PLEKHH2: variants seen among roughly 807,000 people sequenced by gnomAD.
PLEKHH2 encodes the protein pleckstrin homology domain-containing family H member 2.
Under a neutral mutation model 187.9 loss-of-function variants are expected in PLEKHH2, and 129 were observed. The observed-to-expected ratio is 0.69, with a 90% CI of 0.59 to 0.79. The LOEUF is 0.79. Among genes scored for constraint, PLEKHH2 ranks in the 30% least tolerant of loss-of-function variants. The pLI is 0.00. For missense variants in PLEKHH2, 2,076 were observed against 1,751.2 expected, an observed-to-expected ratio of 1.19 and a Z score of -3.31; for synonymous variants, 686 against 605.6, an observed-to-expected ratio of 1.13 and a Z score of -1.95.
intron 24 of PLEKHH2, among the ~76,000 whole-genome samples, chr2:43,746,831 G>A (rs538845959): frequency 4.6e-5 from 7 of 151,976 alleles, no homozygotes; most frequent in African/African-American, 4.8e-5. Flanking sequence ...TTAGCCAGGC[G>A]TGGTGGCGGG....
chr2:43,681,750 C>G (rs561259907), intron 3 of PLEKHH2: 2 of 464,058 alleles, frequency 4.3e-6, no homozygotes, highest in Non-Finnish European at 3.8e-6. Context: ...CATTCAGTTT[C>G]GGGTCTGAGA....
At chr2:43,752,332 C>T (rs1203280033) in intron 24 of PLEKHH2, among the ~76,000 whole-genome samples, 1 of 152,090 alleles carries the variant, frequency 6.6e-6, no homozygotes, top group Admixed American at 6.6e-5. Context: ...TTTGTGTAGT[C>T]ATCATAGATT....
Position 43,710,007 on chromosome 2 carries a change from G to C in PLEKHH2, c.1984G>C (p.Val662Leu), listed in dbSNP as rs188452228. Residue 662 changes from valine to leucine, a missense_variant, in exon 12 of 30, where the codon GTG becomes CTG. By Grantham distance (32) the Val-to-Leu change is conservative. Coordinates refer to ENST00000282406, the MANE Select transcript of PLEKHH2 (RefSeq NM_172069.4). ...TCTCTTAGGTGTGTCTCTCTCCTCTGTGGCTTCTGAAAGTGATTATGCTAT... is the reference window on the plus strand; with the variant it reads ...TCTCTTAGGTGTGTCTCTCTCCTCTCTGGCTTCTGAAAGTGATTATGCTAT... ...AMKRGVSLSS[V>L]ASESDYAIPP... The C allele has an allele frequency of 1.9e-6, 3 of 1,611,902 alleles. No individual in the cohort carries two copies. Among genetic ancestry groups the C allele is most frequent in the Non-Finnish European group, 2.5e-6 (3 of 1,179,118 alleles).
At position 43,742,820 on chromosome 2, in the gene PLEKHH2, C is replaced by A. The variant is rs747916095; in HGVS notation, c.3301C>A (p.Pro1101Thr). 36 of 1,607,462 alleles carry A rather than the reference C, an allele frequency of 2.2e-5. No individual in the cohort carries two copies. Among genetic ancestry groups the A allele is most frequent in the Non-Finnish European group, 3.1e-5 (36 of 1,177,454 alleles). The stretch of plus-strand genomic sequence containing the variant: ...ACAAAATGGTGACAGAGAAGCAAGA[C>A]CCTCAAGGATGGAAATTCTTTCAAC... ...TQQNGDREAR[P>T]SRMEILSTLL... The change falls in exon 22 of 30, where the codon CCC becomes ACC. Residue 1101 changes from proline (P) to threonine (T), a missense_variant. Coordinates refer to ENST00000282406, the MANE Select transcript of PLEKHH2 (RefSeq NM_172069.4).
intron 19 of PLEKHH2, 73 bp downstream of exon 19, chr2:43,731,675 T>A: frequency 2.0e-6 from 2 of 1,023,780 alleles, no homozygotes; most frequent in Non-Finnish European, 2.7e-6. Flanking sequence ...GGAAAAAAAT[T>A]AAAAATAACA....
intron 17 of PLEKHH2, among the ~76,000 whole-genome samples, chr2:43,728,441 G>A (rs1670876573): frequency 7.3e-6 from 1 of 136,528 alleles, no homozygotes; most frequent in Admixed American, 7.7e-5. Context: ...TCGCGCCATT[G>A]CACTCCAGCC....
intron 4 of PLEKHH2, 137 bp from the exon 5 acceptor site, chr2:43,694,294 C>G (rs1668982844): frequency 2.0e-6 from 2 of 1,015,516 alleles, no homozygotes; most frequent in Non-Finnish European, 2.7e-6. Flanking sequence ...CTTTTAAAAA[C>G]CTATTTGGTA....
intron 24 of PLEKHH2, among the ~76,000 whole-genome samples, chr2:43,752,600 A>G (rs1672052116): frequency 6.6e-6 from 1 of 152,166 alleles, no homozygotes; most frequent in Non-Finnish European, 1.5e-5. Flanking sequence ...AACTGAGCAC[A>G]CACCTAACAG....
In PLEKHH2 at chr2:43,761,800, T is replaced by C. The variant is rs17031410; in HGVS notation, c.4072-504T>C. Among the ~76,000 whole-genome samples, 1,207 of 152,348 alleles carry C rather than the reference T, an allele frequency of 7.9e-3. 11 individuals are homozygous for C. The highest frequency in any genetic ancestry group is 0.046 in the East Asian group (240 of 5,188). ...ACACAGTTTCATATTTTCTTGTTAT[T>C]GTGTTTTTATTACACATTGAATATC... is the stretch of plus-strand genomic sequence containing the variant. On this transcript the variant is annotated intron_variant, in intron 27 of 29. Transcript: ENST00000282406.
chr2:43,638,459 T>A (rs1703221396), intron 1 of PLEKHH2, among the ~76,000 whole-genome samples: 1 of 152,204 alleles, frequency 6.6e-6, no homozygotes, highest in African/African-American at 2.4e-5. Context: ...AGTCAGAGAT[T>A]CAGAGAAAAG....
intron 3 of PLEKHH2, chr2:43,681,573 C>A: frequency 9.9e-7 from 1 of 1,013,270 alleles, no homozygotes; most frequent in Non-Finnish European, 1.5e-6. Context: ...CCCGCACCTT[C>A]GGCACTCATG....
Position 43,642,034 on chromosome 2 carries a change from A to G in PLEKHH2, c.-3-2637A>G, listed in dbSNP as rs1209261541. On this transcript the variant is annotated intron_variant, in intron 1 of 29. Transcript: ENST00000282406. Reference sequence around the variant, plus strand: ...AAAAATGCAGTTGCAACTTTGATAGAGATTGCATTGTGTGTATATAGCCAT... The same window carrying G: ...AAAAATGCAGTTGCAACTTTGATAGGGATTGCATTGTGTGTATATAGCCAT... Among the ~76,000 whole-genome samples, 4 of 152,210 alleles carry G rather than the reference A, an allele frequency of 2.6e-5. No homozygotes were observed. In the East Asian group the frequency reaches 7.7e-4, roughly 29 times the overall value.
rs1672640308 is a variant in PLEKHH2 at position 43,766,827 on chromosome 2, G to C, written c.*1229G>C. The C allele has an allele frequency of 6.6e-6, 1 of 152,054 alleles. No individual in the cohort carries two copies. The highest frequency in any genetic ancestry group is 1.5e-5 in the Non-Finnish European group (1 of 68,052). 9.4% of individuals were successfully genotyped at this position (152,054 alleles called of 1,614,324 possible). A position where few individuals can be genotyped will look rare whatever the true frequency, so the allele number is the denominator to read the frequency against. ...TGTCCAGCCTAGTCTCAAACTCCTG[G>C]GTTCAAGCAATCCTCCCACCTCGGC... On this transcript the variant is annotated 3_prime_UTR_variant, in exon 30 of 30. Transcript: ENST00000282406.
chr2:43,705,251 C>CTTTTTTT (rs5830767), intron 9 of PLEKHH2, among the ~76,000 whole-genome samples: 1,968 of 95,698 alleles, frequency 0.021, 44 homozygotes, highest in Middle Eastern at 0.034. Flanking sequence ...AAATTTTATC[C>CTTTTTTT]TTTTTTTTTT....
chr2:43,724,187 A>G (rs1361132391), intron 16 of PLEKHH2, among the ~76,000 whole-genome samples: 2 of 152,202 alleles, frequency 1.3e-5, no homozygotes, highest in African/African-American at 4.8e-5. Context: ...CCAACATCTA[A>G]GTAGAGTTAG....
rs767584853 is a variant in PLEKHH2 at position 43,706,397 on chromosome 2, T to C, written c.1802T>C (p.Val601Ala). 2 of 1,594,780 alleles carry C rather than the reference T, an allele frequency of 1.3e-6. No homozygotes were observed. The highest frequency in any genetic ancestry group is 1.7e-6 in the Non-Finnish European group (2 of 1,162,826). The change falls in exon 10 of 30, where the codon GTG becomes GCG. Residue 601 changes from valine to alanine, a missense_variant. By Grantham distance (64) the Val-to-Ala change is moderately conservative. Coordinates refer to ENST00000282406, the MANE Select transcript of PLEKHH2 (RefSeq NM_172069.4). Reference sequence around the variant, plus strand: ...ATATACAAGAACATGACCACCCCAGTGTATACAACTTTGAAGGGGGTAACT... The same window carrying C: ...ATATACAAGAACATGACCACCCCAGCGTATACAACTTTGAAGGGGGTAACT... Reference protein sequence around the residue: ...SLIYKNMTTPVYTTLKGKATQ... With the variant: ...SLIYKNMTTPAYTTLKGKATQ...
chr2:43,666,703 A>G (rs1667236041), intron 2 of PLEKHH2, among the ~76,000 whole-genome samples: 1 of 152,222 alleles, frequency 6.6e-6, no homozygotes. Context: ...TCTAATGACT[A>G]ATGATGTTGA....
chr2:43,708,785 A>G (rs951214886), intron 11 of PLEKHH2, among the ~76,000 whole-genome samples: 1 of 152,122 alleles, frequency 6.6e-6, no homozygotes, highest in African/African-American at 2.4e-5. Context: ...CTTTGGACAA[A>G]TCCTTTAATC....
chr2:43,734,648 G>T (rs998287375), intron 19 of PLEKHH2, among the ~76,000 whole-genome samples: 8 of 152,180 alleles, frequency 5.3e-5, no homozygotes, highest in African/African-American at 1.9e-4. Context: ...ATACACCATC[G>T]GTGGGAATGT....
Sources: allele counts gnomAD v4.1 joint callset (sites outside exome capture counted in the v4.1 genomes callset), GRCh38; gene constraint gnomAD v4.1.1; transcripts MANE v1.5; gene names NCBI Gene and HGNC (gene_info 2026-07-23, HGNC 2026-07-21).